CENPP: variants seen among roughly 807,000 people sequenced by gnomAD.
The protein encoded by CENPP is centromere protein P.
In CENPP, 24 loss-of-function variants were observed where a neutral mutation model predicts 35.6. That is an observed-to-expected ratio of 0.67 (90% CI 0.49 to 0.95). CENPP has a LOEUF of 0.95. Ranked by LOEUF, CENPP falls within the 40% of genes least tolerant of loss-of-function variation. CENPP has a pLI of 0.00. For synonymous variants in CENPP, 120 were observed against 125.5 expected, an observed-to-expected ratio of 0.96 and a Z score of 0.29; for missense variants, 332 against 345.3, an observed-to-expected ratio of 0.96 and a Z score of 0.31.
chr9:92,366,436 A>G (rs1394251094), intron 4 of CENPP, among the ~76,000 whole-genome samples: 1 of 152,110 alleles, frequency 6.6e-6, no homozygotes, highest in Non-Finnish European at 1.5e-5. Flanking sequence ...CTAGACATAA[A>G]ATTACTTCAT....
At chr9:92,491,298 C>T (rs1377462049) in intron 5 of CENPP, among the ~76,000 whole-genome samples, 1 of 152,106 alleles carries the variant, frequency 6.6e-6, no homozygotes, top group Admixed American at 6.5e-5. Flanking sequence ...GGCACAGGCA[C>T]TGAATAGCGG....
chr9:92,348,388 T>C (rs932932564), intron 4 of CENPP, among the ~76,000 whole-genome samples: 32 of 150,646 alleles, frequency 2.1e-4, no homozygotes, highest in Non-Finnish European at 4.0e-4. Context: ...AAGAACTTCC[T>C]ATAACTTTTT....
In CENPP at chr9:92,618,250, C is replaced by T. The variant is rs905612547; in HGVS notation, c.*5101C>T. The T allele has an allele frequency of 4.6e-5, 21 of 456,592 alleles. No homozygotes were observed. Among genetic ancestry groups the T allele is most frequent in the Non-Finnish European group, 2.2e-5 (5 of 226,974 alleles). The allele number at this position is 456,592 out of a possible 1,614,324, so 28.3% of individuals were successfully genotyped here. The stretch of plus-strand genomic sequence containing the variant: ...TTGTGCAGGATGGTTCCAGTGCCTA[C>T]ACCCTAGGTCTGAGAAGCCACATGG... On this transcript the variant is annotated 3_prime_UTR_variant, in exon 8 of 8. Coordinates refer to ENST00000375587, the MANE Select transcript of CENPP (RefSeq NM_001012267.3).
chr9:92,555,150 T>C (rs1461814039), intron 5 of CENPP, among the ~76,000 whole-genome samples: 1 of 151,670 alleles, frequency 6.6e-6, no homozygotes, highest in East Asian at 1.9e-4. Flanking sequence ...TGGTATCAAT[T>C]CTTCTTTGAA....
chr9:92,471,014 T>A (rs1845492577), intron 5 of CENPP, among the ~76,000 whole-genome samples: 1 of 152,090 alleles, frequency 6.6e-6, no homozygotes, highest in African/African-American at 2.4e-5. Flanking sequence ...TCACTACTCA[T>A]CCCCTCTAAG....
At chr9:92,445,650 G>A (rs912633111) in intron 5 of CENPP, among the ~76,000 whole-genome samples, 2 of 152,120 alleles carry the variant, frequency 1.3e-5, no homozygotes, top group African/African-American at 4.8e-5. Context: ...TTGGGAGGCC[G>A]AGGTGGGCCA....
At chr9:92,561,870 C>T (rs181408590) in intron 5 of CENPP, among the ~76,000 whole-genome samples, 20 of 152,138 alleles carry the variant, frequency 1.3e-4, no homozygotes, top group African/African-American at 4.3e-4. Context: ...GCACTGTACA[C>T]GTGTAATCTC....
At chr9:92,517,883 A>G in intron 5 of CENPP, 4 of 1,613,408 alleles carry the variant, frequency 2.5e-6, no homozygotes, top group Non-Finnish European at 3.4e-6. Context: ...TTCCTAGAAG[A>G]AAACAAAAGC....
chr9:92,411,877 C>T (rs1358482160), intron 5 of CENPP, among the ~76,000 whole-genome samples: 1 of 152,128 alleles, frequency 6.6e-6, no homozygotes, highest in Non-Finnish European at 1.5e-5. Flanking sequence ...CCTCCAGGTC[C>T]TCACCAGATG....
rs1850717990 is a variant in CENPP, at chr9:92,593,893, T to C, written c.565-17421T>C. Among the ~76,000 whole-genome samples, 1 of 152,216 alleles carries C rather than the reference T, an allele frequency of 6.6e-6. No homozygotes were observed. The highest frequency in any genetic ancestry group is 6.5e-5 in the Admixed American group (1 of 15,286). On this transcript the variant is annotated intron_variant, in intron 5 of 7. Coordinates refer to ENST00000375587, the MANE Select transcript of CENPP (RefSeq NM_001012267.3). This position sits in a 1 kb window ranked among gnomAD's most constrained non-coding sequence, Gnocchi z 4.1. ...AGAAGCCAAGAATATAGGTACACTT[T>C]GCTACCTTTCTCACGAATCTCAAAG...
chr9:92,416,736 T>C (rs1843624693), intron 5 of CENPP: 2 of 1,613,454 alleles, frequency 1.2e-6, no homozygotes, highest in Non-Finnish European at 1.7e-6. Context: ...TTAAAAATAT[T>C]ATATGGGATG....
intron 5 of CENPP, among the ~76,000 whole-genome samples, chr9:92,508,130 A>G (rs931840937): frequency 1.3e-5 from 2 of 152,090 alleles, no homozygotes; most frequent in African/African-American, 4.8e-5. Context: ...GTGCCCTCAC[A>G]GCACTCCTGG....
At chr9:92,332,446 G>T in intron 2 of CENPP, 95 bp downstream of exon 2, 1 of 857,388 alleles carries the variant, frequency 1.2e-6, no homozygotes. Context: ...AATTCTACAA[G>T]GTAAGTATTT....
Position 92,593,795 on chromosome 9 carries a change from A to T in CENPP, c.565-17519A>T, listed in dbSNP as rs1011063841. Among the ~76,000 whole-genome samples, 4 of 152,210 alleles carry T rather than the reference A, an allele frequency of 2.6e-5. No individual in the cohort carries two copies. The highest frequency in any genetic ancestry group is 7.2e-5 in the African/African-American group (3 of 41,446). On this transcript the variant is annotated intron_variant, in intron 5 of 7. Transcript: ENST00000375587. The surrounding 1 kb of genome is among the most constrained non-coding windows in gnomAD (Gnocchi z 4.1). ...TTTTCTTTAAATTCTTTCGGTAAAAAATGGGAGCCACTTATTAAAATAACC... is the reference window on the plus strand; with the variant it reads ...TTTTCTTTAAATTCTTTCGGTAAAATATGGGAGCCACTTATTAAAATAACC...
intron 5 of CENPP, among the ~76,000 whole-genome samples, chr9:92,443,693 T>C (rs1375878838): frequency 2.0e-5 from 3 of 151,942 alleles, no homozygotes; most frequent in Non-Finnish European, 4.4e-5. Context: ...AGAGTTTTGC[T>C]CTGTCCCCCA....
chr9:92,490,857 A>C (rs1479253263), intron 5 of CENPP, among the ~76,000 whole-genome samples: 1 of 152,166 alleles, frequency 6.6e-6, no homozygotes, highest in African/African-American at 2.4e-5. Flanking sequence ...ACCCTGTATA[A>C]ATCTTTTTCT....
intron 5 of CENPP, among the ~76,000 whole-genome samples, chr9:92,606,768 G>T (rs1405805761): frequency 1.3e-5 from 2 of 152,148 alleles, no homozygotes; most frequent in Non-Finnish European, 2.9e-5. Context: ...GCCAGGTGTG[G>T]TGGCACGCGT....
chr9:92,449,166 G>A (rs1481862653), intron 5 of CENPP, among the ~76,000 whole-genome samples: 1 of 152,134 alleles, frequency 6.6e-6, no homozygotes, highest in Non-Finnish European at 1.5e-5. Context: ...ATACAGGCTG[G>A]GTGTGGTGGC....
chr9:92,538,801 C>T (rs1488613235), intron 5 of CENPP, among the ~76,000 whole-genome samples: 1 of 152,204 alleles, frequency 6.6e-6, no homozygotes, highest in Non-Finnish European at 1.5e-5. Context: ...CACCAAACAA[C>T]ATGAGCAGAG....
Sources: allele counts gnomAD v4.1 joint callset (sites outside exome capture counted in the v4.1 genomes callset), GRCh38; gene constraint gnomAD v4.1.1; non-coding constraint Gnocchi (gnomAD v3.1); transcripts MANE v1.5; gene names NCBI Gene and HGNC (gene_info 2026-07-23, HGNC 2026-07-21).